DPY19L4: variants seen among roughly 807,000 people sequenced by gnomAD.
The protein encoded by DPY19L4 is probable C-mannosyltransferase DPY19L4.
A neutral mutation model predicts 102.8 loss-of-function variants in DPY19L4; 97 were observed. The observed-to-expected ratio is 0.94, with a 90% CI of 0.80 to 1.12. DPY19L4 has a LOEUF of 1.12. Among genes scored for constraint, DPY19L4 ranks in the 50% most tolerant of loss-of-function variants. The probability of loss-of-function intolerance (pLI) is 0.00; values close to 1 mark genes in which losing one functional copy is unlikely to be tolerated. For missense variants in DPY19L4, 815 were observed against 850.4 expected, an observed-to-expected ratio of 0.96 and a Z score of 0.52; for synonymous variants, 252 against 283.1, an observed-to-expected ratio of 0.89 and a Z score of 1.10.
intron 9 of DPY19L4, 100 bp from the exon 10 acceptor site, chr8:94,765,611 C>A: frequency 2.1e-6 from 2 of 946,788 alleles, no homozygotes; most frequent in Admixed American, 2.4e-5. Context: ...GCTGGGATTA[C>A]AGGCTTGAGC....
At chr8:94,763,010 T>G (rs1030373437) in intron 8 of DPY19L4, among the ~76,000 whole-genome samples, 3 of 151,458 alleles carry the variant, frequency 2.0e-5, no homozygotes, top group Non-Finnish European at 4.4e-5. Context: ...GTGCGGTGGC[T>G]CAATCTCAGC....
intron 14 of DPY19L4, among the ~76,000 whole-genome samples, chr8:94,778,775 G>A (rs1169856079): frequency 6.6e-6 from 1 of 152,054 alleles, no homozygotes; most frequent in Non-Finnish European, 1.5e-5. Flanking sequence ...ATTCATGGTA[G>A]AAGGAATAGA....
chr8:94,787,953 C>G lies in DPY19L4; in HGVS notation c.1908C>G (p.Tyr636Ter). ...ATATTTATAAAATACTGACATCTTACAAAGCTAATTACCTAATTGTAGAGG... is the reference window on the plus strand; with the variant it reads ...ATATTTATAAAATACTGACATCTTAGAAAGCTAATTACCTAATTGTAGAGG... Reference protein sequence around the residue: ...AEDIYKILTSYKANYLIVEDA... With the variant: ...AEDIYKILTS Residue 636 changes from tyrosine to a stop codon, truncating the protein, a stop_gained, in exon 18 of 19, where the codon TAC (tyrosine) becomes TAG (stop). Coordinates refer to ENST00000414645, the MANE Select transcript of DPY19L4 (RefSeq NM_181787.3). LOFTEE classifies it high-confidence loss of function. The G allele has an allele frequency of 2.6e-6, 4 of 1,513,736 alleles. No individual in the cohort carries two copies. The highest frequency in any genetic ancestry group is 1.3e-5 in the South Asian group (1 of 74,162). The allele number at this position is 1,513,736 out of a possible 1,614,324, so 93.8% of individuals were successfully genotyped here. A position where few individuals can be genotyped will look rare whatever the true frequency, so the allele number is the denominator to read the frequency against.
intron 7 of DPY19L4, among the ~76,000 whole-genome samples, chr8:94,760,263 C>T (rs1010378152): frequency 8.5e-5 from 13 of 152,188 alleles, no homozygotes; most frequent in African/African-American, 2.9e-4. Flanking sequence ...TCCAAATGCC[C>T]AGTACATTAA....
intron 6 of DPY19L4, among the ~76,000 whole-genome samples, chr8:94,751,438 A>G (rs974652179): frequency 6.6e-6 from 1 of 150,960 alleles, no homozygotes; most frequent in African/African-American, 2.4e-5. Flanking sequence ...TTCTTACCCA[A>G]CCACCACTAC....
At chr8:94,784,153 G>A (rs544563427) in intron 17 of DPY19L4, among the ~76,000 whole-genome samples, 7 of 152,204 alleles carry the variant, frequency 4.6e-5, no homozygotes, top group African/African-American at 1.2e-4. Flanking sequence ...GGGTTCAAGC[G>A]ATTCTCCTGC....
chr8:94,761,526 T>C (rs1812391990), intron 7 of DPY19L4, among the ~76,000 whole-genome samples, 174 bp from the exon 8 acceptor site: 1 of 152,236 alleles, frequency 6.6e-6, no homozygotes, highest in African/African-American at 2.4e-5. Flanking sequence ...ATTTGAGCTC[T>C]TGTCGTTTTT....
Position 94,750,266 on chromosome 8 carries a change from G to A in DPY19L4, c.612-5770G>A, listed in dbSNP as rs531139824. Among the ~76,000 whole-genome samples the A allele has an allele frequency of 2.3e-3, 350 of 152,200 alleles. 1 individual carries two copies. The highest frequency in any genetic ancestry group is 3.7e-3 in the Admixed American group (56 of 15,282). ...ATGTTTTAAAAAATTATTTGTCATA[G>A]ACAAAGTTGGAAACAAAGTGTATAA... On this transcript the variant is annotated intron_variant, in intron 6 of 18. Transcript: ENST00000414645.
rs752718650 is a variant in DPY19L4, at chr8:94,770,527, A to G, written c.1410A>G (p.Val470=). Residue 470 remains valine, a synonymous_variant, in exon 13 of 19, where the codon GTA becomes GTG. Coordinates refer to ENST00000414645, the MANE Select transcript of DPY19L4 (RefSeq NM_181787.3). ...AAAGACCAGAAATAATTTATCATGT[A>G]ATTCACACTATTTTATTGGGTTCTC... ...IGERPEIIYH[V]IHTILLGSLA... The G allele has an allele frequency of 5.6e-6, 9 of 1,613,720 alleles. No homozygotes were observed. In the African/African-American group the frequency reaches 1.1e-4, roughly 19 times the overall value.
intron 13 of DPY19L4, among the ~76,000 whole-genome samples, chr8:94,775,804 G>A (rs183924931): frequency 7.8e-4 from 119 of 152,164 alleles, no homozygotes; most frequent in Non-Finnish European, 1.3e-3. Flanking sequence ...CCCTTGAAAT[G>A]TTATTTTTTT....
intron 13 of DPY19L4, among the ~76,000 whole-genome samples, chr8:94,772,577 A>G (rs1812982312): frequency 6.6e-6 from 1 of 152,244 alleles, no homozygotes; most frequent in Non-Finnish European, 1.5e-5. Flanking sequence ...GTGACAGTAC[A>G]CACGGAGTAC....
chr8:94,753,928 T>C (rs1812053055), intron 6 of DPY19L4, among the ~76,000 whole-genome samples: 1 of 152,064 alleles, frequency 6.6e-6, no homozygotes. Flanking sequence ...ACACCTGTTA[T>C]CCCAGCACTT....
At chr8:94,786,835 AC>A (rs1813676108) in intron 17 of DPY19L4, among the ~76,000 whole-genome samples, 1 of 152,212 alleles carries the variant, frequency 6.6e-6, no homozygotes, top group African/African-American at 2.4e-5. Flanking sequence ...GGCGTGAGAC[AC>A]TGCGCCTGGC....
At position 94,776,922 on chromosome 8, in the gene DPY19L4, A is replaced by C. The variant is rs539395751; in HGVS notation, c.1455-744A>C. ...GGGGGTTGCAGTGAGCCAAGATCAC[A>C]ACCACTGTACTCTAGCCTGGGCGAC... On this transcript the variant is annotated intron_variant, in intron 13 of 18. Transcript: ENST00000414645. 9.3e-4 allele frequency among the ~76,000 whole-genome samples: 141 copies of C among 151,094 alleles called. No individual in the cohort carries two copies. In the Middle Eastern group the frequency reaches 0.017, roughly 19 times the overall value.
intron 17 of DPY19L4, among the ~76,000 whole-genome samples, chr8:94,784,884 A>T (rs578190252): frequency 7.9e-5 from 12 of 152,228 alleles, no homozygotes; most frequent in Admixed American, 3.9e-4. Context: ...ATGGTATCTA[A>T]TTAATTATAG....
At chr8:94,762,235 A>G (rs1812423440) in intron 8 of DPY19L4, among the ~76,000 whole-genome samples, 1 of 152,182 alleles carries the variant, frequency 6.6e-6, no homozygotes, top group African/African-American at 2.4e-5. Flanking sequence ...GGATGTGGCT[A>G]TGGCTGGCTG....
intron 10 of DPY19L4, 43 bp from the exon 11 acceptor site, chr8:94,766,569 A>G (rs774164422): frequency 2.4e-5 from 38 of 1,575,346 alleles, no homozygotes; most frequent in Middle Eastern, 3.4e-4. Flanking sequence ...GTTTGTAAGC[A>G]TAGCTAATAT....
intron 6 of DPY19L4, among the ~76,000 whole-genome samples, chr8:94,749,212 T>A (rs1811811499): frequency 6.6e-6 from 1 of 152,046 alleles, no homozygotes; most frequent in African/African-American, 2.4e-5. Context: ...AAGATTAGAT[T>A]TGGGTGGGAA....
At chr8:94,729,647 C>T (rs1451386117) in intron 2 of DPY19L4, among the ~76,000 whole-genome samples, 2 of 127,864 alleles carry the variant, frequency 1.6e-5, no homozygotes, top group Non-Finnish European at 3.2e-5. Context: ...TACAGTGAGA[C>T]CTCATCTCCA....
Sources: allele counts gnomAD v4.1 joint callset (sites outside exome capture counted in the v4.1 genomes callset), GRCh38; gene constraint gnomAD v4.1.1; transcripts MANE v1.5; gene names NCBI Gene and HGNC (gene_info 2026-07-23, HGNC 2026-07-21).